PARN: variants seen among roughly 807,000 people sequenced by gnomAD.
The protein encoded by PARN is poly(A)-specific ribonuclease.
Under a neutral mutation model 102.8 loss-of-function variants are expected in PARN, and 71 were observed. The observed-to-expected ratio is 0.69, with a 90% CI of 0.57 to 0.84. The LOEUF is 0.84. Among genes scored for constraint, PARN ranks in the 40% least tolerant of loss-of-function variants. The probability of loss-of-function intolerance (pLI) is 0.00; values close to 1 mark genes in which losing one functional copy is unlikely to be tolerated. For synonymous variants in PARN, 261 were observed against 252.9 expected, an observed-to-expected ratio of 1.03 and a Z score of -0.30; for missense variants, 782 against 760.9, an observed-to-expected ratio of 1.03 and a Z score of -0.33.
intron 22 of PARN, among the ~76,000 whole-genome samples, chr16:14,453,265 C>CT: frequency 6.6e-6 from 1 of 152,306 alleles, no homozygotes; most frequent in South Asian, 2.1e-4. Context: ...TTGTTAAAAG[C>CT]TAAGTCGCTG....
chr16:14,564,860 A>T (rs1020183287), intron 18 of PARN, among the ~76,000 whole-genome samples: 6 of 152,180 alleles, frequency 3.9e-5, no homozygotes, highest in African/African-American at 1.4e-4. Context: ...TTCTCAAAAA[A>T]GAGATTTCCA....
chr16:14,579,424 T>TAAA (rs1348600166), intron 18 of PARN, among the ~76,000 whole-genome samples: 3 of 152,172 alleles, frequency 2.0e-5, no homozygotes, highest in Non-Finnish European at 1.5e-5. Context: ...ATTACTGTTT[T>TAAA]AATATTTACA....
chr16:14,485,287 T>C (rs1203345379), intron 21 of PARN, among the ~76,000 whole-genome samples: 1 of 152,232 alleles, frequency 6.6e-6, no homozygotes, highest in Non-Finnish European at 1.5e-5. Context: ...TTTTCTTACT[T>C]TGAATGTGTC....
Position 14,609,114 on chromosome 16 carries a change from T to TA in PARN, c.563dup (p.Glu189ArgfsTer7), listed in dbSNP as rs878853260. The TA allele has an allele frequency of 6.6e-7, 1 of 1,508,610 alleles. No homozygotes were observed. 93.5% of individuals were successfully genotyped at this position (1,508,610 alleles called of 1,614,324 possible). Reference sequence around the variant, plus strand: ...TTTCTTCACTTTGTAATAAATCCTCTATTTTCTCTCTGAGGAATAAGAATA... The same window carrying TA: ...TTTCTTCACTTTGTAATAAATCCTCTAATTTTCTCTCTGAGGAATAAGAATA... On this transcript the variant is annotated frameshift_variant, in exon 8 of 24. Coordinates refer to ENST00000437198, the MANE Select transcript of PARN (RefSeq NM_002582.4). LOFTEE classifies it high-confidence loss of function.
intron 21 of PARN, among the ~76,000 whole-genome samples, chr16:14,486,087 G>A (rs1174081359): frequency 1.3e-5 from 2 of 152,112 alleles, no homozygotes; most frequent in African/African-American, 2.4e-5. Context: ...AGGTGTGGTC[G>A]CTCATGCCTA....
chr16:14,585,422 T>G (rs1969791287), intron 14 of PARN, among the ~76,000 whole-genome samples: 1 of 139,276 alleles, frequency 7.2e-6, no homozygotes, highest in Non-Finnish European at 1.5e-5. Flanking sequence ...AGGACAGAAA[T>G]AAGCCCAGCT....
chr16:14,438,840 T>C (rs1383580492), intron 23 of PARN, among the ~76,000 whole-genome samples: 1 of 152,162 alleles, frequency 6.6e-6, no homozygotes, highest in Non-Finnish European at 1.5e-5. Flanking sequence ...GGGCCAGAAC[T>C]GTAGGAGCCA....
intron 6 of PARN, among the ~76,000 whole-genome samples, chr16:14,614,025 AG>A (rs1159428639): frequency 6.6e-6 from 1 of 152,180 alleles, no homozygotes; most frequent in African/African-American, 2.4e-5. Context: ...CCAGAGCTTT[AG>A]GGGGTGGCGG....
intron 7 of PARN, among the ~76,000 whole-genome samples, chr16:14,610,438 A>G (rs1362032923): frequency 6.7e-6 from 1 of 149,338 alleles, no homozygotes; most frequent in African/African-American, 2.5e-5. Context: ...GCACCAATGC[A>G]CTCCAGCCTG....
intron 21 of PARN, among the ~76,000 whole-genome samples, chr16:14,550,720 G>A (rs926021310): frequency 5.3e-5 from 8 of 152,052 alleles, no homozygotes; most frequent in South Asian, 4.2e-4. Flanking sequence ...TTTACTGTGC[G>A]GCATTTTGTT....
intron 21 of PARN, among the ~76,000 whole-genome samples, chr16:14,487,498 A>C (rs571401627): frequency 1.3e-5 from 2 of 152,256 alleles, no homozygotes; most frequent in African/African-American, 2.4e-5. Context: ...GGAAGACAAC[A>C]TAAGATGTAG....
intron 13 of PARN, chr16:14,591,959 A>T (rs1254435309): frequency 1.3e-5 from 2 of 152,044 alleles, no homozygotes; most frequent in African/African-American, 2.4e-5. Context: ...AATCACTTGA[A>T]CCCAGGAGGC....
intron 1 of PARN, 68 bp from the exon 2 acceptor site, chr16:14,629,742 G>A (rs938857043): frequency 4.3e-6 from 5 of 1,165,120 alleles, no homozygotes; most frequent in Non-Finnish European, 6.5e-6. Context: ...GAGGGAAGGA[G>A]GGCCGAGGAG....
chr16:14,555,929 G>C (rs1334677275), intron 18 of PARN, among the ~76,000 whole-genome samples: 2 of 151,916 alleles, frequency 1.3e-5, no homozygotes, highest in Non-Finnish European at 2.9e-5. Context: ...GCAGTGGTGT[G>C]ATCTTGGCTC....
intron 22 of PARN, among the ~76,000 whole-genome samples, chr16:14,470,798 C>A (rs1962695865): frequency 6.6e-6 from 1 of 152,036 alleles, no homozygotes; most frequent in Non-Finnish European, 1.5e-5. Flanking sequence ...TAGATATTTT[C>A]TTTGCTCTGT....
intron 21 of PARN, among the ~76,000 whole-genome samples, chr16:14,522,567 G>C (rs563235139): frequency 6.6e-6 from 1 of 152,326 alleles, no homozygotes; most frequent in South Asian, 2.1e-4. Context: ...CAGGGCTTAA[G>C]AGAAAGAGTG....
intron 2 of PARN, among the ~76,000 whole-genome samples, chr16:14,628,579 A>G (rs1318591413): frequency 6.6e-6 from 1 of 152,256 alleles, no homozygotes; most frequent in African/African-American, 2.4e-5. Flanking sequence ...ATAAACAGAC[A>G]TCAATAAATC....
intron 11 of PARN, among the ~76,000 whole-genome samples, chr16:14,600,707 G>C (rs946562533): frequency 2.6e-5 from 4 of 152,158 alleles, no homozygotes; most frequent in Non-Finnish European, 4.4e-5. Flanking sequence ...GAGGCAGATG[G>C]ATCACTTGAG....
chr16:14,484,839 G>GA (rs1317570397), intron 21 of PARN, among the ~76,000 whole-genome samples: 1 of 151,702 alleles, frequency 6.6e-6, no homozygotes, highest in Non-Finnish European at 1.5e-5. Context: ...TACTTCTTCA[G>GA]AAAACACAAA....
Sources: gnomAD v4.1 joint callset for allele counts (sites outside exome capture counted in the v4.1 genomes callset) on GRCh38, gnomAD v4.1.1 for gene constraint, MANE v1.5 for transcripts, NCBI Gene and HGNC (gene_info 2026-07-23, HGNC 2026-07-21) for gene names.